KALRN: variants seen among roughly 807,000 people sequenced by gnomAD.
KALRN encodes kalirin.
In KALRN, 70 loss-of-function variants were observed where a neutral mutation model predicts 353.7. The ratio of observed to expected loss-of-function variants is 0.20; its 90% CI spans 0.16 to 0.24. The LOEUF is 0.24. KALRN is among the 10% of genes least tolerant of loss of function. The pLI, the probability that KALRN is intolerant of heterozygous loss-of-function variation, is 1.00. For synonymous variants in KALRN, 1,391 were observed against 1,434.8 expected (o/e 0.97, Z 0.69); for missense variants, 2,791 against 3,756.7 (o/e 0.74, Z 6.72).
intron 10 of KALRN, among the ~76,000 whole-genome samples, chr3:124,375,734 T>C (rs1276008303): frequency 6.6e-6 from 1 of 152,240 alleles, no homozygotes; most frequent in Non-Finnish European, 1.5e-5. Context: ...TGTTAACAGT[T>C]AATTATTTCT....
chr3:124,050,716 CT>C (rs2040948406), intron 1 of KALRN, among the ~76,000 whole-genome samples: 1 of 152,132 alleles, frequency 6.6e-6, no homozygotes, highest in Admixed American at 6.5e-5. Context: ...GGGATCTCCC[CT>C]ATGTCATATC....
At chr3:124,613,057 C>G (rs1263841957) in intron 34 of KALRN, among the ~76,000 whole-genome samples, 2 of 152,168 alleles carry the variant, frequency 1.3e-5, no homozygotes, top group African/African-American at 2.4e-5. Flanking sequence ...CCATACCAAT[C>G]ATTGCTGATC....
chr3:124,667,609 C>T (rs2085808324), intron 47 of KALRN, among the ~76,000 whole-genome samples: 3 of 152,232 alleles, frequency 2.0e-5, no homozygotes. Flanking sequence ...TCAAATCCCT[C>T]CTCTGCTCCC....
intron 1 of KALRN, among the ~76,000 whole-genome samples, chr3:124,047,676 T>A (rs1441800618): frequency 4.6e-5 from 7 of 151,160 alleles, no homozygotes; most frequent in Admixed American, 4.6e-4. Context: ...TTTATTTTTT[T>A]TTATTTTTAG....
intron 34 of KALRN, among the ~76,000 whole-genome samples, chr3:124,592,104 C>T (rs2075837122): frequency 6.6e-6 from 1 of 151,988 alleles, no homozygotes; most frequent in Non-Finnish European, 1.5e-5. Flanking sequence ...AGTTCAAGAC[C>T]AGCCTGGCCA....
rs185343796 is a variant in KALRN at position 124,558,146 on chromosome 3, C to T, written c.4936-4697C>T. Among the ~76,000 whole-genome samples, 8 of 152,240 alleles carry T rather than the reference C, an allele frequency of 5.3e-5. No homozygotes were observed. In the East Asian group the frequency reaches 1.2e-3, roughly 22 times the overall value. ...TACTTTAAAAAAAAGGATTCACTTA[C>T]ATAATAATGTATATGCATATATACA... On this transcript the variant is annotated intron_variant, in intron 33 of 59. Coordinates refer to ENST00000682506, the MANE Select transcript of KALRN (RefSeq NM_001388419.1).
intron 1 of KALRN, among the ~76,000 whole-genome samples, chr3:124,113,231 G>C (rs2063154041): frequency 2.0e-5 from 3 of 152,182 alleles, no homozygotes; most frequent in African/African-American, 7.2e-5. Context: ...TCATCTGTAA[G>C]ATGCCAATAA....
At chr3:124,070,385 A>T (rs1577762095) in intron 1 of KALRN, among the ~76,000 whole-genome samples, 1 of 152,180 alleles carries the variant, frequency 6.6e-6, no homozygotes, top group African/African-American at 2.4e-5. Flanking sequence ...TACCGAGAAC[A>T]TACCATACTG....
chr3:124,295,016 T>C (rs77835959), intron 5 of KALRN, among the ~76,000 whole-genome samples: 1,869 of 152,328 alleles, frequency 0.012, 22 homozygotes, highest in Non-Finnish European at 0.02. Context: ...TGACTGTATG[T>C]ATACATGCAC....
At chr3:124,693,780 T>A in intron 51 of KALRN, 24 bp from the exon 52 acceptor site, 6 of 1,500,906 alleles carry the variant, frequency 4.0e-6, no homozygotes, top group Non-Finnish European at 3.7e-6. Context: ...TTCAAGCAAT[T>A]TTCTGTGTCT....
intron 1 of KALRN, among the ~76,000 whole-genome samples, chr3:124,070,085 A>G (rs2059940046): frequency 6.6e-6 from 1 of 152,212 alleles, no homozygotes; most frequent in Admixed American, 6.5e-5. Context: ...CAGAGGAAAA[A>G]TTAAGGTAGG....
At chr3:124,400,199 A>G (rs184425087) in intron 13 of KALRN, among the ~76,000 whole-genome samples, 17 of 152,258 alleles carry the variant, frequency 1.1e-4, no homozygotes, top group African/African-American at 3.6e-4. Context: ...ACAAGAGACT[A>G]TCTTGGGAAC....
intron 6 of KALRN, among the ~76,000 whole-genome samples, chr3:124,303,478 T>C (rs1361867062): frequency 2.6e-5 from 4 of 152,200 alleles, no homozygotes; most frequent in Non-Finnish European, 5.9e-5. Flanking sequence ...CCTTCTACTC[T>C]GATGGGAGTA....
intron 34 of KALRN, among the ~76,000 whole-genome samples, chr3:124,600,393 C>T (rs537784906): frequency 6.6e-6 from 1 of 152,294 alleles, no homozygotes; most frequent in South Asian, 2.1e-4. Context: ...TTGGTTTCAA[C>T]TCTTGTTTGG....
At chr3:124,055,155 G>A (rs929833539) in intron 1 of KALRN, among the ~76,000 whole-genome samples, 1 of 152,306 alleles carries the variant, frequency 6.6e-6, no homozygotes, top group African/African-American at 2.4e-5. Context: ...ATGATTTTTA[G>A]CATTTGCCAA....
chr3:124,549,355 ACACACACACATAATCT>A (rs1015101690), intron 33 of KALRN, among the ~76,000 whole-genome samples: 4 of 148,968 alleles, frequency 2.7e-5, no homozygotes, highest in Non-Finnish European at 4.5e-5. Context: ...ACACATAATC[ACACACACACATAATCT>A]CACACACACA....
intron 1 of KALRN, among the ~76,000 whole-genome samples, chr3:124,061,698 C>T (rs2149216037): frequency 6.6e-6 from 1 of 152,330 alleles, no homozygotes; most frequent in African/African-American, 2.4e-5. Context: ...CAGGCCATGA[C>T]ACTTTTCAAC....
chr3:124,151,860 C>T lies in KALRN; in HGVS notation c.74-76130C>T, dbSNP rs550405500. On this transcript the variant is annotated intron_variant, in intron 1 of 59. Coordinates refer to ENST00000682506, the MANE Select transcript of KALRN (RefSeq NM_001388419.1). ...TTCATTTGGAAATGCTTTTAGTGTA[C>T]GGTGAGAAAGAGAGGTTATTATTAC... 1.1e-4 allele frequency: 50 copies of T among 464,204 alleles called. No homozygotes were observed. The South Asian group carries it at 1.1e-3, about 11-fold the overall frequency. 28.8% of individuals were successfully genotyped at this position (464,204 alleles called of 1,614,324 possible). A position where few individuals can be genotyped will look rare whatever the true frequency, so the allele number is the denominator to read the frequency against.
At chr3:124,229,704 G>A (rs2078950568) in intron 2 of KALRN, among the ~76,000 whole-genome samples, 1 of 152,268 alleles carries the variant, frequency 6.6e-6, no homozygotes, top group African/African-American at 2.4e-5. Flanking sequence ...ATGATTCAGA[G>A]TGTAGGTGTG....
Sources: gnomAD v4.1 joint callset for allele counts (sites outside exome capture counted in the v4.1 genomes callset) on GRCh38, gnomAD v4.1.1 for gene constraint, MANE v1.5 for transcripts, NCBI Gene and HGNC (gene_info 2026-07-23, HGNC 2026-07-21) for gene names.